Variants in ABR observed in about 807,000 individuals in gnomAD.
The protein encoded by ABR is active breakpoint cluster region-related protein.
Under a neutral mutation model 107.2 loss-of-function variants are expected in ABR, and 35 were observed. That is an observed-to-expected ratio of 0.33 (90% CI 0.25 to 0.43). The LOEUF (loss-of-function observed/expected upper bound fraction) is 0.43. ABR is among the 20% of genes least tolerant of loss of function. The pLI, the probability that ABR is intolerant of heterozygous loss-of-function variation, is 1.00. For synonymous variants in ABR, 498 were observed against 462.0 expected (o/e 1.08, Z -1.00); for missense variants, 815 against 1,115.2 (o/e 0.73, Z 3.83).
intron 16 of ABR, among the ~76,000 whole-genome samples, chr17:1,030,129 C>T (rs1199880031): frequency 6.6e-6 from 1 of 152,246 alleles, no homozygotes; most frequent in African/African-American, 2.4e-5. Flanking sequence ...AGCCACCAGG[C>T]ACTGCCAGAG....
chr17:1,211,177 G>A (rs2150739876), intron 1 of ABR, among the ~76,000 whole-genome samples: 1 of 152,350 alleles, frequency 6.6e-6, no homozygotes, highest in African/African-American at 2.4e-5. Flanking sequence ...TACTCAGGAG[G>A]CTGAGGCAGG....
At chr17:1,061,566 G>A (rs1369528422) in intron 10 of ABR, among the ~76,000 whole-genome samples, 1 of 150,698 alleles carries the variant, frequency 6.6e-6, no homozygotes, top group Non-Finnish European at 1.5e-5. Context: ...TTTTTGAGAT[G>A]GAGTCCCACT....
chr17:1,221,113 G>A (rs1157873116), intron 1 of ABR, among the ~76,000 whole-genome samples: 1 of 152,232 alleles, frequency 6.6e-6, no homozygotes, highest in Admixed American at 6.5e-5. Flanking sequence ...GGAAAAGGCT[G>A]TGCCAGAGGC....
intron 1 of ABR, among the ~76,000 whole-genome samples, chr17:1,185,973 T>C (rs944016451): frequency 6.6e-6 from 1 of 151,908 alleles, no homozygotes; most frequent in Non-Finnish European, 1.5e-5. Context: ...GTAGCTAGGA[T>C]TACAGGAGCC....
rs572557901 is a variant in ABR at position 1,049,625 on chromosome 17, G to C, written c.1791+425C>G. Among the ~76,000 whole-genome samples, 3 of 151,926 alleles carry C rather than the reference G, an allele frequency of 2.0e-5. No homozygotes were observed. The South Asian group carries it at 6.2e-4, about 32-fold the overall frequency. On this transcript the variant is annotated intron_variant, in intron 16 of 22. Coordinates refer to ENST00000302538, the MANE Select transcript of ABR (RefSeq NM_021962.5). The stretch of plus-strand genomic sequence containing the variant: ...CAACCAGCAGGACCCTAAGTCTTTC[G>C]GGCAGAAGAGCAAACGCCTGGTCCG...
chr17:1,010,920 C>G lies in ABR; in HGVS notation c.2102-57G>C. 6.2e-7 allele frequency: 1 copy of G among 1,602,010 alleles called. No individual in the cohort carries two copies. The highest frequency in any genetic ancestry group is 8.5e-7 in the Non-Finnish European group (1 of 1,176,076). The stretch of plus-strand genomic sequence containing the variant: ...TAGCTGGGCCAGCAGCCCCGTTCCA[C>G]CCCCGACCCATCCTGACACAGCCCC... On this transcript the variant is annotated intron_variant, in intron 19 of 22. Transcript: ENST00000302538. The surrounding 1 kb of genome is among the most constrained non-coding windows in gnomAD (Gnocchi z 4.1).
chr17:1,109,268 C>G (rs1396360527), intron 2 of ABR, among the ~76,000 whole-genome samples: 1 of 151,864 alleles, frequency 6.6e-6, no homozygotes, highest in African/African-American at 2.4e-5. Flanking sequence ...GCGTCCTCGC[C>G]CGGCGAAAGG....
At chr17:1,183,508 C>T (rs570210701), upstream of ABR, among the ~76,000 whole-genome samples, 5 of 152,298 alleles carry the variant, frequency 3.3e-5, no homozygotes, top group South Asian at 1.0e-3. Flanking sequence ...TCCTAATTCC[C>T]AAGCACGTGC....
intron 1 of ABR, among the ~76,000 whole-genome samples, chr17:1,135,381 T>TTC (rs2040017213): frequency 6.7e-6 from 1 of 149,700 alleles, no homozygotes; most frequent in Non-Finnish European, 1.5e-5. Flanking sequence ...TTTTGTCTTT[T>TTC]TTTTTTTTTT....
intron 2 of ABR, among the ~76,000 whole-genome samples, chr17:1,120,916 A>G (rs1422264649): frequency 6.6e-6 from 1 of 152,308 alleles, no homozygotes; most frequent in Middle Eastern, 3.4e-3. Context: ...AGGCAAGCAG[A>G]CAGAGGAGTC....
intron 6 of ABR, among the ~76,000 whole-genome samples, chr17:1,076,714 CGGGGGGGGT>C (rs1460089079): frequency 7.6e-4 from 32 of 42,174 alleles, no homozygotes; most frequent in East Asian, 6.7e-3. Flanking sequence ...GGCAGGTGCA[CGGGGGGGGT>C]GGGGGTGGGG....
intron 18 of ABR, 162 bp from the exon 19 acceptor site, chr17:1,012,147 C>T: frequency 8.8e-7 from 1 of 1,134,758 alleles, no homozygotes; most frequent in Non-Finnish European, 1.3e-6. Context: ...CCGCACCCCA[C>T]CCCAGCCAGC....
chr17:1,101,727 A>AT (rs1316102851), intron 2 of ABR, among the ~76,000 whole-genome samples: 8 of 144,742 alleles, frequency 5.5e-5, no homozygotes, highest in Admixed American at 1.4e-4. Flanking sequence ...AAAGACATTT[A>AT]TTTTTTCTTT....
rs182707894 is a variant in ABR at position 1,179,329 on chromosome 17, G to A, written c.61+338C>T. Among the ~76,000 whole-genome samples the A allele has an allele frequency of 1.0e-3, 153 of 152,174 alleles. No individual in the cohort carries two copies. The highest frequency in any genetic ancestry group is 3.2e-3 in the African/African-American group (134 of 41,522). Reference sequence around the variant, plus strand: ...CCCAGAAGGGCCTCCCTCCCCTGAGGCTCGCGGAGGCCGGGTTCACAACAG... The same window carrying A: ...CCCAGAAGGGCCTCCCTCCCCTGAGACTCGCGGAGGCCGGGTTCACAACAG... On this transcript the variant is annotated intron_variant, in intron 1 of 22. Coordinates refer to ENST00000302538, the MANE Select transcript of ABR (RefSeq NM_021962.5). This position sits in a 1 kb window ranked among gnomAD's most constrained non-coding sequence, Gnocchi z 4.9.
Position 1,010,944 on chromosome 17 carries a change from C to T in ABR, c.2102-81G>A. ...ACCCCCGACCCATCCTGACACAGCC[C>T]CCACCCACTCCAGCTCTGGTTCTGG... On this transcript the variant is annotated intron_variant, in intron 19 of 22. Transcript: ENST00000302538. The surrounding 1 kb of genome is among the most constrained non-coding windows in gnomAD (Gnocchi z 4.1). The T allele has an allele frequency of 6.4e-7, 1 of 1,558,130 alleles. No individual in the cohort carries two copies. The highest frequency in any genetic ancestry group is 8.7e-7 in the Non-Finnish European group (1 of 1,145,642).
At chr17:1,106,777 A>C (rs1158646425) in intron 2 of ABR, among the ~76,000 whole-genome samples, 2 of 152,012 alleles carry the variant, frequency 1.3e-5, no homozygotes, top group Admixed American at 6.5e-5. Flanking sequence ...TGATCCGCCC[A>C]CCTCAGCCTC....
At chr17:1,153,194 T>G (rs1260985643) in intron 1 of ABR, among the ~76,000 whole-genome samples, 1 of 152,172 alleles carries the variant, frequency 6.6e-6, no homozygotes, top group Non-Finnish European at 1.5e-5. Context: ...GTGCACTTGG[T>G]CAAATCCCCA....
At chr17:1,056,694 C>T (rs116583726) in intron 13 of ABR, among the ~76,000 whole-genome samples, 257 of 152,300 alleles carry the variant, frequency 1.7e-3, no homozygotes, top group African/African-American at 6.0e-3. Context: ...CCTCATTTCC[C>T]ATACACCATT....
At chr17:1,061,002 AAAAAC>A (rs1597609049) in intron 10 of ABR, among the ~76,000 whole-genome samples, 1 of 152,038 alleles carries the variant, frequency 6.6e-6, no homozygotes, top group Non-Finnish European at 1.5e-5. Context: ...CATCTCAAAA[AAAAAC>A]AAAAAACAAA....
Sources: gnomAD v4.1 joint callset for allele counts (sites outside exome capture counted in the v4.1 genomes callset) on GRCh38, gnomAD v4.1.1 for gene constraint, Gnocchi (gnomAD v3.1) non-coding constraint, MANE v1.5 for transcripts, NCBI Gene and HGNC (gene_info 2026-07-23, HGNC 2026-07-21) for gene names.